DLG2: variants seen among roughly 807,000 people sequenced by gnomAD.
DLG2 encodes disks large homolog 2.
DLG2 carries 45 observed loss-of-function variants against 132.5 expected under a neutral mutation model. The ratio of observed to expected loss-of-function variants is 0.34; its 90% confidence interval spans 0.27 to 0.44. The LOEUF (loss-of-function observed/expected upper bound fraction) is 0.44. Ranked by LOEUF, DLG2 falls within the 20% of genes least tolerant of loss-of-function variation. The pLI, the probability that DLG2 is intolerant of heterozygous loss-of-function variation, is 1.00. For missense variants in DLG2, 1,045 were observed against 1,196.9 expected (o/e 0.87, Z 1.87); for synonymous variants, 424 against 419.6 (o/e 1.01, Z -0.13).
intron 3 of DLG2, among the ~76,000 whole-genome samples, chr11:85,424,857 T>G (rs146802740): frequency 6.6e-6 from 1 of 152,110 alleles, no homozygotes; most frequent in Non-Finnish European, 1.5e-5. Context: ...AAACACTGGA[T>G]CTCCCAGCAC....
At chr11:85,580,657 G>T (rs1281542523) in intron 3 of DLG2, among the ~76,000 whole-genome samples, 1 of 152,188 alleles carries the variant, frequency 6.6e-6, no homozygotes, top group Non-Finnish European at 1.5e-5. Context: ...GCATGGAATG[G>T]CTATAAAACT....
intron 7 of DLG2, among the ~76,000 whole-genome samples, chr11:84,328,684 G>C (rs1159941891): frequency 6.6e-6 from 1 of 152,090 alleles, no homozygotes; most frequent in Non-Finnish European, 1.5e-5. Flanking sequence ...ACCAGAGTCT[G>C]ACTTGCCAGT....
At chr11:85,389,896 A>C (rs1359118411) in intron 3 of DLG2, among the ~76,000 whole-genome samples, 3 of 152,204 alleles carry the variant, frequency 2.0e-5, no homozygotes, top group Non-Finnish European at 2.9e-5. Context: ...GAAATACACC[A>C]AAATAGGATC....
intron 7 of DLG2, among the ~76,000 whole-genome samples, chr11:84,387,793 A>G (rs1469478570): frequency 6.6e-6 from 1 of 152,222 alleles, no homozygotes; most frequent in East Asian, 1.9e-4. Flanking sequence ...ACCACGGGAT[A>G]TGGATTACCT....
Position 84,540,160 on chromosome 11 carries a change from G to A in DLG2, c.358-5429C>T, listed in dbSNP as rs1352475206. ...GAACTTCATGTCTAAAACACCATAA[G>A]CAATGGCAACAAAAGCCAAAATTGA... On this transcript the variant is annotated intron_variant, in intron 6 of 27. Coordinates refer to ENST00000376104, the MANE Select transcript of DLG2 (RefSeq NM_001142699.3). Among the ~76,000 whole-genome samples the A allele has an allele frequency of 3.3e-5, 5 of 152,034 alleles. No homozygotes were observed. The East Asian group carries it at 7.7e-4, about 23-fold the overall frequency.
intron 18 of DLG2, among the ~76,000 whole-genome samples, chr11:83,658,709 C>T (rs974584669): frequency 1.3e-5 from 2 of 152,172 alleles, no homozygotes; most frequent in African/African-American, 4.8e-5. Flanking sequence ...GGAAAAATAG[C>T]TTATCTTTTG....
chr11:84,340,583 C>G (rs571146684), intron 7 of DLG2, among the ~76,000 whole-genome samples: 2 of 152,176 alleles, frequency 1.3e-5, no homozygotes, highest in South Asian at 4.2e-4. Flanking sequence ...TCAGTTTTAC[C>G]AGTAAGGGCA....
intron 10 of DLG2, among the ~76,000 whole-genome samples, chr11:84,060,036 G>GAT (rs2154131772): frequency 6.6e-6 from 1 of 152,230 alleles, no homozygotes; most frequent in African/African-American, 2.4e-5. Context: ...TATTAGGTTG[G>GAT]GCGCAGTGGC....
intron 6 of DLG2, among the ~76,000 whole-genome samples, chr11:85,085,734 G>T (rs996966937): frequency 6.6e-6 from 1 of 152,030 alleles, no homozygotes; most frequent in East Asian, 1.9e-4. Context: ...TTTTTGCAAG[G>T]TTAAAGATTT....
chr11:84,413,920 A>C (rs1194976368), intron 7 of DLG2, among the ~76,000 whole-genome samples: 3 of 152,142 alleles, frequency 2.0e-5, no homozygotes, highest in Non-Finnish European at 4.4e-5. Context: ...CTTCAATTTC[A>C]TTCAAGGGTA....
At chr11:84,325,550 A>G (rs2098426252) in intron 7 of DLG2, among the ~76,000 whole-genome samples, 1 of 152,150 alleles carries the variant, frequency 6.6e-6, no homozygotes, top group Non-Finnish European at 1.5e-5. Flanking sequence ...GATTTATCCA[A>G]TTGATTAAAT....
intron 3 of DLG2, among the ~76,000 whole-genome samples, chr11:85,596,362 T>TGAGCGACA (rs2079760227): frequency 6.6e-6 from 1 of 152,152 alleles, no homozygotes; most frequent in Admixed American, 6.6e-5. Context: ...CACTCCAGCC[T>TGAGCGACA]GAGCGACAGA....
intron 11 of DLG2, among the ~76,000 whole-genome samples, chr11:84,035,943 T>C (rs2095852919): frequency 6.6e-6 from 1 of 152,130 alleles, no homozygotes; most frequent in East Asian, 1.9e-4. Context: ...CTGGATATCA[T>C]TTGATGAGCC....
At chr11:84,065,173 A>T (rs1594483323) in intron 10 of DLG2, among the ~76,000 whole-genome samples, 1 of 152,208 alleles carries the variant, frequency 6.6e-6, no homozygotes, top group Non-Finnish European at 1.5e-5. Context: ...AGATTTCATG[A>T]TAAAGATGCC....
At chr11:85,065,501 G>A (rs371064708) in intron 6 of DLG2, among the ~76,000 whole-genome samples, 15 of 150,842 alleles carry the variant, frequency 9.9e-5, no homozygotes, top group African/African-American at 2.7e-4. Flanking sequence ...GGCAAATTCC[G>A]GATTTAAAAC....
At chr11:83,815,701 T>C (rs1324684727) in intron 17 of DLG2, among the ~76,000 whole-genome samples, 2 of 152,164 alleles carry the variant, frequency 1.3e-5, no homozygotes, top group Non-Finnish European at 2.9e-5. Context: ...CCTGTTTGAA[T>C]GTTCAGTGCC....
intron 7 of DLG2, among the ~76,000 whole-genome samples, chr11:84,348,681 C>T (rs1567361322): frequency 2.0e-5 from 3 of 152,080 alleles, no homozygotes; most frequent in Non-Finnish European, 4.4e-5. Flanking sequence ...GTGACTGTGA[C>T]CTTACTTGGA....
chr11:83,850,875 C>T (rs2059619528), intron 16 of DLG2, among the ~76,000 whole-genome samples: 1 of 152,086 alleles, frequency 6.6e-6, no homozygotes, highest in African/African-American at 2.4e-5. Flanking sequence ...TTTGTGTCTC[C>T]AACCCTAAAG....
chr11:84,034,570 T>C (rs1321973355), intron 11 of DLG2, among the ~76,000 whole-genome samples: 1 of 152,186 alleles, frequency 6.6e-6, no homozygotes, highest in Non-Finnish European at 1.5e-5. Flanking sequence ...CTTAAAAACC[T>C]AGGCAGAGGT....
Sources: allele counts gnomAD v4.1 joint callset (sites outside exome capture counted in the v4.1 genomes callset), GRCh38; gene constraint gnomAD v4.1.1; transcripts MANE v1.5; gene names NCBI Gene and HGNC (gene_info 2026-07-23, HGNC 2026-07-21).